Variants in ABCA1 observed in about 807,000 individuals in gnomAD.
The protein encoded by ABCA1 is phospholipid-transporting ATPase ABCA1.
In ABCA1, 133 loss-of-function variants were observed where a neutral mutation model predicts 262.5. That is an observed-to-expected ratio of 0.51 (90% CI 0.44 to 0.59). The LOEUF is 0.59. Among genes scored for constraint, ABCA1 ranks in the 20% least tolerant of loss-of-function variants. The pLI is 0.00. For missense variants in ABCA1, 2,452 were observed against 2,777.5 expected, an observed-to-expected ratio of 0.88 and a Z score of 2.63; for synonymous variants, 1,022 against 1,043.5, an observed-to-expected ratio of 0.98 and a Z score of 0.40.
chr9:104,797,479 T>C (rs560503353), intron 37 of ABCA1, among the ~76,000 whole-genome samples: 2 of 152,304 alleles, frequency 1.3e-5, no homozygotes, highest in South Asian at 2.1e-4. Flanking sequence ...GCTGCAGTAA[T>C]AGAAGTGTGA....
At chr9:104,890,495 C>T (rs1246532865) in intron 2 of ABCA1, among the ~76,000 whole-genome samples, 3 of 152,096 alleles carry the variant, frequency 2.0e-5, no homozygotes, top group African/African-American at 4.8e-5. Context: ...GCAAGAGAAT[C>T]GCTTGAACCC....
intron 11 of ABCA1, among the ~76,000 whole-genome samples, chr9:104,833,842 C>T (rs1046644841): frequency 1.3e-5 from 2 of 152,150 alleles, no homozygotes; most frequent in African/African-American, 2.4e-5. Context: ...TGGGTCAACA[C>T]GAAAGAGAAG....
chr9:104,802,613 G>C (rs957485908), intron 33 of ABCA1, among the ~76,000 whole-genome samples: 2 of 152,230 alleles, frequency 1.3e-5, no homozygotes, highest in African/African-American at 4.8e-5. Flanking sequence ...TCTGCCCAGA[G>C]ATCCAGGGGT....
At position 104,858,565 on chromosome 9, in the gene ABCA1, T is replaced by C. The variant is rs144568616; in HGVS notation, c.677A>G (p.Glu226Gly). Residue 226 changes from glutamate (E) to glycine (G), a missense_variant, in exon 7 of 50, where the codon GAG becomes GGG. By Grantham distance (98) the Glu-to-Gly change is moderately conservative. Transcript: ENST00000374736. ...GLPREKLAAA[E>G]RVLRSNMDIL... is the part of the protein sequence containing the mutation. ...GTCCATGTTGGAACGAAGTACTCGC[T>C]CTGCTGCAGCCAGTTTCTCCCTTGG... The C allele has an allele frequency of 2.5e-6, 4 of 1,614,192 alleles. No homozygotes were observed. Among genetic ancestry groups the C allele is most frequent in the Non-Finnish European group, 3.4e-6 (4 of 1,180,030 alleles).
At chr9:104,896,748 T>TTTTTTTTTC (rs1840256620) in intron 2 of ABCA1, among the ~76,000 whole-genome samples, 3 of 121,666 alleles carry the variant, frequency 2.5e-5, no homozygotes, top group African/African-American at 1.0e-4. Context: ...TTTTTTTTTT[T>TTTTTTTTTC]CAGACAGAGT....
chr9:104,890,549 C>G (rs1839629959), intron 2 of ABCA1, among the ~76,000 whole-genome samples: 1 of 151,950 alleles, frequency 6.6e-6, no homozygotes. Context: ...CCACTGTACT[C>G]CAGCTGGGGC....
intron 2 of ABCA1, among the ~76,000 whole-genome samples, chr9:104,900,480 CA>C (rs1840579202): frequency 6.6e-6 from 1 of 152,206 alleles, no homozygotes; most frequent in Non-Finnish European, 1.5e-5. Context: ...ACCTAATGGG[CA>C]GGGCTGGTTC....
intron 33 of ABCA1, among the ~76,000 whole-genome samples, chr9:104,802,637 G>A (rs180974717): frequency 2.1e-3 from 325 of 152,340 alleles, no homozygotes; most frequent in Non-Finnish European, 3.6e-3. Context: ...GGCCCTTGGG[G>A]AAAAGGCAGA....
intron 16 of ABCA1, among the ~76,000 whole-genome samples, chr9:104,826,631 G>A (rs953230338): frequency 2.0e-5 from 3 of 152,208 alleles, no homozygotes; most frequent in Non-Finnish European, 4.4e-5. Context: ...GGGAGATAAA[G>A]GGCAGAGATG....
At chr9:104,839,232 G>A (rs1198760467) in intron 9 of ABCA1, among the ~76,000 whole-genome samples, 1 of 152,178 alleles carries the variant, frequency 6.6e-6, no homozygotes, top group Non-Finnish European at 1.5e-5. Context: ...CTTTAACACT[G>A]CCTTGCAGCT....
intron 5 of ABCA1, among the ~76,000 whole-genome samples, chr9:104,862,664 C>CAGGGCAGGGCAGGGCA (rs1564198671): frequency 2.8e-4 from 2 of 7,070 alleles, no homozygotes; most frequent in African/African-American, 1.1e-3. Context: ...CGGGCCGGGC[C>CAGGGCAGGGCAGGGCA]GGGCCGGGCC....
chr9:104,862,673 C>CAGGG lies in ABCA1; in HGVS notation c.422-874_422-873insCCCT, dbSNP rs1564198915. On this transcript the variant is annotated intron_variant, in intron 5 of 49. Coordinates refer to ENST00000374736, the MANE Select transcript of ABCA1 (RefSeq NM_005502.4). ...CCGGGCCGGGCCGGGCCGGGCCGGG[C>CAGGG]CGGGCCGGGCCGGGCCGGGCCGGGC... Among the ~76,000 whole-genome samples, 3 of 8,080 alleles carry CAGGG rather than the reference C, an allele frequency of 3.7e-4. 1 individual carries two copies. The highest frequency in any genetic ancestry group is 5.9e-4 in the Non-Finnish European group (2 of 3,394). 5.3% of individuals were successfully genotyped at this position (8,080 alleles called of 152,430 possible).
chr9:104,853,624 C>T (rs902212714), intron 7 of ABCA1, among the ~76,000 whole-genome samples: 15 of 151,926 alleles, frequency 9.9e-5, no homozygotes, highest in African/African-American at 3.4e-4. Context: ...ATACAATAAA[C>T]ACTTGATGGA....
In ABCA1 at chr9:104,796,414, A is replaced by C. The variant is rs1177804952; in HGVS notation, c.5132T>G (p.Val1711Gly). The C allele has an allele frequency of 6.2e-7, 1 of 1,613,676 alleles. No individual in the cohort carries two copies. Among genetic ancestry groups the C allele is most frequent in the Non-Finnish European group, 8.5e-7 (1 of 1,179,710 alleles). Residue 1711 changes from valine to glycine, a missense_variant, in exon 38 of 50, where the codon GTT becomes GGT. Transcript: ENST00000374736. ...GATAATGACCAGTGTGGCAGGGACAACGTAATTGCACTAAAAGTGAAAACA... is the reference window on the plus strand; with the variant it reads ...GATAATGACCAGTGTGGCAGGGACACCGTAATTGCACTAAAAGTGAAAACA... ...SNFVWDMCNY[V>G]VPATLVIIIF... is the part of the protein sequence containing the mutation.
intron 2 of ABCA1, among the ~76,000 whole-genome samples, chr9:104,889,635 C>A (rs1303978721): frequency 1.3e-5 from 2 of 152,172 alleles, no homozygotes; most frequent in African/African-American, 4.8e-5. Context: ...AAAGCAGGCA[C>A]CCATCTGTCT....
chr9:104,856,055 G>A, intron 7 of ABCA1: 8 of 1,608,972 alleles, frequency 5.0e-6, no homozygotes, highest in Non-Finnish European at 6.8e-6. Flanking sequence ...ACAGTTAACT[G>A]CCCATGTGCA....
intron 1 of ABCA1, among the ~76,000 whole-genome samples, chr9:104,913,960 CGGCTA>C (rs1321791707): frequency 4.0e-5 from 3 of 74,510 alleles, no homozygotes; most frequent in African/African-American, 4.1e-5. Flanking sequence ...CCAACACGCC[CGGCTA>C]ATTTTTTGTA....
At position 104,784,258 on chromosome 9, in the gene ABCA1, T is replaced by C. The variant is rs1487790405; in HGVS notation, c.*57A>G. ...CTTTTCTCCACAACACTTCACATGG[T>C]GCAAAGGAAAGTCTAGTTCCTCTTT... On this transcript the variant is annotated 3_prime_UTR_variant, in exon 50 of 50. Transcript: ENST00000374736. 1 of 1,609,022 alleles carries C rather than the reference T, an allele frequency of 6.2e-7. No individual in the cohort carries two copies. The highest frequency in any genetic ancestry group is 1.3e-5 in the African/African-American group (1 of 74,834).
intron 46 of ABCA1, chr9:104,787,688 G>A (rs142959891): frequency 9.3e-5 from 21 of 224,918 alleles, no homozygotes; most frequent in Admixed American, 6.5e-4. Flanking sequence ...CCTCAATCAC[G>A]CTAAGAAACA....
Sources: gnomAD v4.1 joint callset for allele counts (sites outside exome capture counted in the v4.1 genomes callset) on GRCh38, gnomAD v4.1.1 for gene constraint, MANE v1.5 for transcripts, NCBI Gene and HGNC (gene_info 2026-07-23, HGNC 2026-07-21) for gene names.